The following KCNIP1 variants were observed in gnomAD, a reference collection of about 807,000 sequenced individuals.
KCNIP1 encodes the protein A-type potassium channel modulatory protein KCNIP1.
A neutral mutation model predicts 33.0 loss-of-function variants in KCNIP1; 18 were observed. That is an observed-to-expected ratio of 0.55 (90% CI 0.38 to 0.81). The LOEUF (loss-of-function observed/expected upper bound fraction) is 0.81, where lower values mean the gene tolerates loss of function less well. KCNIP1 is among the 30% of genes least tolerant of loss of function. The pLI, the probability that KCNIP1 is intolerant of heterozygous loss-of-function variation, is 0.00. For missense variants in KCNIP1, 238 were observed against 271.6 expected (o/e 0.88, Z 0.87); for synonymous variants, 93 against 98.3 (o/e 0.95, Z 0.32).
intron 1 of KCNIP1, among the ~76,000 whole-genome samples, chr5:170,617,029 C>T (rs1054367927): frequency 1.3e-5 from 2 of 152,088 alleles, no homozygotes; most frequent in African/African-American, 4.8e-5. Flanking sequence ...CCAAGCAGCA[C>T]ACTCTTTCTG....
intron 1 of KCNIP1, among the ~76,000 whole-genome samples, chr5:170,609,326 G>A (rs1271904338): frequency 6.6e-6 from 1 of 152,070 alleles, no homozygotes; most frequent in African/African-American, 2.4e-5. Flanking sequence ...TCAGGCACCG[G>A]GCTAGGCACT....
intron 1 of KCNIP1, among the ~76,000 whole-genome samples, chr5:170,626,313 G>A (rs1759820521): frequency 6.6e-6 from 1 of 152,236 alleles, no homozygotes; most frequent in African/African-American, 2.4e-5. Flanking sequence ...AGGCTCCCCA[G>A]CTGTTAGGTG....
chr5:170,615,345 C>T (rs575299432), intron 1 of KCNIP1, among the ~76,000 whole-genome samples: 1 of 152,340 alleles, frequency 6.6e-6, no homozygotes, highest in South Asian at 2.1e-4. Context: ...TCCAAAAGCA[C>T]CAAACAGTTT....
chr5:170,553,646 C>T (rs561956949), intron 1 of KCNIP1, among the ~76,000 whole-genome samples: 8 of 152,276 alleles, frequency 5.3e-5, no homozygotes, highest in South Asian at 4.1e-4. Flanking sequence ...CTGGGGTCTG[C>T]GACGGTAAGA....
chr5:170,451,628 G>A (rs1447727093), intron 1 of KCNIP1, among the ~76,000 whole-genome samples: 5 of 151,882 alleles, frequency 3.3e-5, no homozygotes, highest in Non-Finnish European at 5.9e-5. Flanking sequence ...CTAATTGATA[G>A]TGAGAAATGT....
chr5:170,416,072 T>C (rs1049796078), intron 1 of KCNIP1, among the ~76,000 whole-genome samples: 1 of 151,540 alleles, frequency 6.6e-6, no homozygotes, highest in African/African-American at 2.4e-5. Context: ...GTTCCAGGAG[T>C]GACAACAAGC....
At chr5:170,561,289 A>C (rs1235398650) in intron 1 of KCNIP1, among the ~76,000 whole-genome samples, 1 of 152,190 alleles carries the variant, frequency 6.6e-6, no homozygotes, top group Admixed American at 6.5e-5. Context: ...CTGCCTTGCC[A>C]GCCCTGCTGG....
chr5:170,550,417 G>GGAATGACGATGAT (rs1337691510), intron 1 of KCNIP1, among the ~76,000 whole-genome samples: 1 of 152,106 alleles, frequency 6.6e-6, no homozygotes, highest in Non-Finnish European at 1.5e-5. Context: ...AATGTTAACA[G>GGAATGACGATGAT]GAATGACGAT....
intron 1 of KCNIP1, among the ~76,000 whole-genome samples, chr5:170,559,604 G>C (rs1187445217): frequency 6.6e-6 from 1 of 152,130 alleles, no homozygotes; most frequent in East Asian, 1.9e-4. Context: ...CTCTTCTATT[G>C]TTTGGGGTAT....
At chr5:170,572,087 C>T (rs768474613) in intron 1 of KCNIP1, among the ~76,000 whole-genome samples, 4 of 152,038 alleles carry the variant, frequency 2.6e-5, no homozygotes, top group Non-Finnish European at 5.9e-5. Context: ...GGAGGTGCAC[C>T]GAGCCTGTCT....
At chr5:170,722,225 G>T (rs886377539) in intron 4 of KCNIP1, among the ~76,000 whole-genome samples, 1 of 152,124 alleles carries the variant, frequency 6.6e-6, no homozygotes, top group Non-Finnish European at 1.5e-5. Flanking sequence ...ACCCTATAGG[G>T]TAGGGTTTTA....
At chr5:170,561,007 G>A (rs1375721659) in intron 1 of KCNIP1, 1 of 434,048 alleles carries the variant, frequency 2.3e-6, no homozygotes. Flanking sequence ...AGGCATTGTG[G>A]ACAAGGAGGG....
intron 1 of KCNIP1, among the ~76,000 whole-genome samples, chr5:170,397,613 C>T (rs1754795086): frequency 6.6e-6 from 1 of 152,148 alleles, no homozygotes; most frequent in African/African-American, 2.4e-5. Flanking sequence ...GGTAAGAGCT[C>T]AGGAAACTCA....
chr5:170,380,807 C>G (rs1471333067), intron 1 of KCNIP1, among the ~76,000 whole-genome samples: 1 of 152,186 alleles, frequency 6.6e-6, no homozygotes, highest in Non-Finnish European at 1.5e-5. Context: ...TGGAGTCAGA[C>G]AGGCCTGAGT....
intron 1 of KCNIP1, among the ~76,000 whole-genome samples, chr5:170,498,234 G>T (rs984114501): frequency 2.6e-5 from 4 of 152,202 alleles, no homozygotes; most frequent in African/African-American, 9.7e-5. Context: ...CCTGTGTCAG[G>T]CACTTTTGTA....
chr5:170,440,579 C>T (rs985880330), intron 1 of KCNIP1, among the ~76,000 whole-genome samples: 2 of 152,130 alleles, frequency 1.3e-5, no homozygotes, highest in Admixed American at 1.3e-4. Flanking sequence ...GCTGAGACTA[C>T]AGGACTACAG....
intron 1 of KCNIP1, among the ~76,000 whole-genome samples, chr5:170,709,142 T>C (rs146847096): frequency 1.3e-5 from 2 of 152,326 alleles, no homozygotes; most frequent in East Asian, 3.9e-4. Context: ...AGTACAGAGC[T>C]CCATACGTCT....
At position 170,638,157 on chromosome 5, in the gene KCNIP1, C is replaced by T. The variant is rs150837277; in HGVS notation, c.62-80601C>T. Among the ~76,000 whole-genome samples the T allele has an allele frequency of 1.0e-3, 153 of 152,232 alleles. 1 individual carries two copies. Among genetic ancestry groups the T allele is most frequent in the African/African-American group, 3.5e-3 (147 of 41,538 alleles). On this transcript the variant is annotated intron_variant, in intron 1 of 7. Transcript: ENST00000328939. ...TCTGCATTTCAGAGAAGGACAACCCCACCTCTGACCTTAGCCCAAGCCTCA... is the reference window on the plus strand; with the variant it reads ...TCTGCATTTCAGAGAAGGACAACCCTACCTCTGACCTTAGCCCAAGCCTCA...
At chr5:170,601,975 C>G (rs994660633) in intron 1 of KCNIP1, among the ~76,000 whole-genome samples, 1 of 152,156 alleles carries the variant, frequency 6.6e-6, no homozygotes, top group African/African-American at 2.4e-5. Context: ...TGGGCTGAGT[C>G]TGGGTCAAAT....
Sources: gnomAD v4.1 joint callset for allele counts (sites outside exome capture counted in the v4.1 genomes callset) on GRCh38, gnomAD v4.1.1 for gene constraint, MANE v1.5 for transcripts, NCBI Gene and HGNC (gene_info 2026-07-23, HGNC 2026-07-21) for gene names.